RIGI: variants seen among roughly 807,000 people sequenced by gnomAD.
The protein encoded by RIGI is RNA sensor RIG-I.
chr9:32,469,983 G>A, the RIGI span, among the ~76,000 whole-genome samples: 2 of 152,180 alleles, frequency 1.3e-5, no homozygotes. Flanking sequence ...AAGATCCCTT[G>A]TGGTTTTTGA....
chr9:32,486,144 C>G, the RIGI span, among the ~76,000 whole-genome samples: 2 of 152,096 alleles, frequency 1.3e-5, no homozygotes, highest in Admixed American at 1.3e-4. Flanking sequence ...CGTAGCAGTT[C>G]TCTAACAGAA....
the RIGI span, among the ~76,000 whole-genome samples, chr9:32,511,557 G>A: frequency 6.6e-6 from 1 of 152,162 alleles, no homozygotes; most frequent in African/African-American, 2.4e-5. Context: ...CAACGTACCA[G>A]AATCTCTGGG....
At chr9:32,470,979 C>T in the RIGI span, among the ~76,000 whole-genome samples, 1 of 152,232 alleles carries the variant, frequency 6.6e-6, no homozygotes, top group African/African-American at 2.4e-5. Flanking sequence ...CTCCAATTGG[C>T]TAGGCATGGT....
the RIGI span, chr9:32,481,320 T>A: frequency 4.4e-6 from 7 of 1,607,636 alleles, no homozygotes. Flanking sequence ...AGAATACGAC[T>A]CTTAAAAAGA....
chr9:32,504,293 G>A, the RIGI span, among the ~76,000 whole-genome samples: 2 of 151,986 alleles, frequency 1.3e-5, no homozygotes, highest in African/African-American at 2.4e-5. Context: ...TGCTTTCCAC[G>A]GATGGCAAAA....
At chr9:32,513,745 AAG>A in the RIGI span, among the ~76,000 whole-genome samples, 2 of 152,350 alleles carry the variant, frequency 1.3e-5, no homozygotes, top group Non-Finnish European at 2.9e-5. Flanking sequence ...AATTAAACTA[AAG>A]AGCTTCTGCA....
At chr9:32,460,134 TTCC>T in the RIGI span, among the ~76,000 whole-genome samples, 2 of 152,228 alleles carry the variant, frequency 1.3e-5, no homozygotes, top group African/African-American at 4.8e-5. Flanking sequence ...CTTTTGCTTC[TTCC>T]TCATTTTTCT....
chr9:32,524,584 TTTTG>T, the RIGI span, among the ~76,000 whole-genome samples: 96 of 150,042 alleles, frequency 6.4e-4, no homozygotes, highest in African/African-American at 2.3e-3. Flanking sequence ...ATCGACTTTT[TTTTG>T]TTTTTCGGTT....
the RIGI span, among the ~76,000 whole-genome samples, chr9:32,508,360 CAG>C: frequency 2.0e-5 from 3 of 149,688 alleles, no homozygotes; most frequent in East Asian, 6.0e-4. Flanking sequence ...GAGATCAACA[CAG>C]AAGGCGGGTG....
At chr9:32,468,577 A>G in the RIGI span, among the ~76,000 whole-genome samples, 1 of 152,058 alleles carries the variant, frequency 6.6e-6, no homozygotes, top group Non-Finnish European at 1.5e-5. Context: ...TAGGTAAGAG[A>G]ATCACCTGAG....
At chr9:32,492,720 C>T in the RIGI span, among the ~76,000 whole-genome samples, 3 of 152,126 alleles carry the variant, frequency 2.0e-5, no homozygotes, top group Admixed American at 6.6e-5. Context: ...ATACTTTTTC[C>T]TTCATCTTTG....
chr9:32,483,425 T>C, the RIGI span, among the ~76,000 whole-genome samples: 1 of 152,060 alleles, frequency 6.6e-6, no homozygotes, highest in African/African-American at 2.4e-5. Context: ...GCTAACTGGA[T>C]TCGGACTGGC....
the RIGI span, chr9:32,487,516 G>A: frequency 6.2e-7 from 1 of 1,614,156 alleles, no homozygotes; most frequent in Non-Finnish European, 8.5e-7. Context: ...TCCAGATTGT[G>A]TTTGACTGTT....
chr9:32,464,302 A>G, the RIGI span, among the ~76,000 whole-genome samples: 1 of 151,906 alleles, frequency 6.6e-6, no homozygotes, highest in African/African-American at 2.4e-5. Context: ...AAGCACCCAC[A>G]AAAGGGGGGC....
At chr9:32,508,239 A>ATTTTTTTTTTTTTTTTTT in the RIGI span, among the ~76,000 whole-genome samples, 1,433 of 70,292 alleles carry the variant, frequency 0.02, 320 homozygotes, top group Non-Finnish European at 0.022. Context: ...TATTTACTTA[A>ATTTTTTTTTTTTTTTTTT]TTTTTTTTTT....
the RIGI span, among the ~76,000 whole-genome samples, chr9:32,503,919 A>G: frequency 6.6e-6 from 1 of 151,888 alleles, no homozygotes; most frequent in East Asian, 1.9e-4. Context: ...GCTGGTGCCT[A>G]TAATCCCAGC....
chr9:32,491,971 G>A, the RIGI span, among the ~76,000 whole-genome samples: 4 of 152,120 alleles, frequency 2.6e-5, no homozygotes, highest in African/African-American at 4.8e-5. Flanking sequence ...TTCACCCGTC[G>A]GATTCAGTTC....
chr9:32,511,908 GA>G, the RIGI span, among the ~76,000 whole-genome samples: 5 of 152,114 alleles, frequency 3.3e-5, no homozygotes, highest in African/African-American at 1.2e-4. Context: ...TGTCACCAGT[GA>G]TCCCACAGAA....
chr9:32,497,335 G>T, the RIGI span, among the ~76,000 whole-genome samples: 133 of 151,930 alleles, frequency 8.8e-4, 1 homozygote, highest in African/African-American at 3.1e-3. Context: ...TTCTTTTTTG[G>T]ATTATTTGTT....
Sources: allele counts gnomAD v4.1 joint callset (sites outside exome capture counted in the v4.1 genomes callset), GRCh38; gene constraint gnomAD v4.1.1; transcripts MANE v1.5; gene names NCBI Gene and HGNC (gene_info 2026-07-23, HGNC 2026-07-21).